Variants in LIFR observed in about 807,000 individuals in gnomAD.
LIFR encodes the protein leukemia inhibitory factor receptor.
LIFR carries 84 observed loss-of-function variants against 122.2 expected under a neutral mutation model. The ratio of observed to expected loss-of-function variants is 0.69; its 90% CI spans 0.58 to 0.82. The LOEUF (loss-of-function observed/expected upper bound fraction) is 0.82. LIFR is among the 40% of genes least tolerant of loss of function. LIFR has a pLI of 0.00. For missense variants in LIFR, 1,294 were observed against 1,311.6 expected, an observed-to-expected ratio of 0.99 and a Z score of 0.21; for synonymous variants, 422 against 434.7, an observed-to-expected ratio of 0.97 and a Z score of 0.36.
rs1029192801 is a variant in LIFR at position 38,546,948 on chromosome 5, GTC to G, written c.-20+9384_-20+9385del. 1.3e-4 allele frequency among the ~76,000 whole-genome samples: 20 copies of G among 152,296 alleles called. No individual in the cohort carries two copies. In the South Asian group the frequency reaches 1.7e-3, roughly 13 times the overall value. ...AAAGGGTGAGTTGGCAAAGTCCTAA[GTC>G]TAGCCAGCGACCCAATGTCTACATG... is the stretch of plus-strand genomic sequence containing the variant. On this transcript the variant is annotated intron_variant, in intron 1 of 19. Coordinates refer to ENST00000453190, the MANE Select transcript of LIFR (RefSeq NM_001127671.2).
chr5:38,592,206 A>G (rs1212585249), intron 1 of LIFR, among the ~76,000 whole-genome samples: 1 of 152,216 alleles, frequency 6.6e-6, no homozygotes, highest in African/African-American at 2.4e-5. Context: ...CAAATAAAGC[A>G]TTAGTTATGT....
At chr5:38,605,448 C>A (rs772903781) in intron 2 of LIFR, among the ~76,000 whole-genome samples, 19 of 152,040 alleles carry the variant, frequency 1.2e-4, no homozygotes, top group Non-Finnish European at 1.8e-4. Context: ...ATCACAGTAC[C>A]CCTTCCTCCT....
Position 38,482,193 on chromosome 5 carries a change from T to G in LIFR, c.2696A>C (p.Glu899Ala). 6.2e-7 allele frequency: 1 copy of G among 1,600,368 alleles called. No homozygotes were observed. Among genetic ancestry groups the G allele is most frequent in the Non-Finnish European group, 8.5e-7 (1 of 1,176,538 alleles). The change falls in exon 20 of 20, where the codon GAA becomes GCA. Residue 899 changes from glutamate (E) to alanine (A), a missense_variant. Glu to Ala is a moderately radical substitution (Grantham distance 107). Transcript: ENST00000453190. ...ATTATTTGGGGTACAAGGATTCATT[T>G]CCAATGTTTTAAGAGCACTGCTTCC... ...CEGSSALKTL[E>A]MNPCTPNNVE...
rs139952250 is a variant in LIFR at position 38,545,177 on chromosome 5, G to A, written c.-20+11157C>T. 7.1e-3 allele frequency among the ~76,000 whole-genome samples: 1,079 copies of A among 152,144 alleles called. 18 individuals carry two copies. The highest frequency in any genetic ancestry group is 0.034 in the Admixed American group (514 of 15,298). On this transcript the variant is annotated intron_variant, in intron 1 of 19. Coordinates refer to ENST00000453190, the MANE Select transcript of LIFR (RefSeq NM_001127671.2). Reference sequence around the variant, plus strand: ...CTCAGCCACTCAGGAGGCTGAGACAGGAGACTCACTTGAACCCGGGAGGCG... The same window carrying A: ...CTCAGCCACTCAGGAGGCTGAGACAAGAGACTCACTTGAACCCGGGAGGCG...
rs3776424 is a variant in LIFR at position 38,480,590 on chromosome 5, T to C, written c.*1005A>G. The C allele has an allele frequency of 0.019, 4,271 of 220,512 alleles. 474 individuals are homozygous for C. In the East Asian group the frequency reaches 0.24, roughly 13 times the overall value. The allele number at this position is 220,512 out of a possible 1,614,324, so 13.7% of individuals were successfully genotyped here. The stretch of plus-strand genomic sequence containing the variant: ...GAAGGTGTCAAAGATCACCACTGCC[T>C]GGGTAGCCAAGCTCAACGGCATGGT... On this transcript the variant is annotated 3_prime_UTR_variant, in exon 20 of 20. Coordinates refer to ENST00000453190, the MANE Select transcript of LIFR (RefSeq NM_001127671.2).
rs73077448 is a variant in LIFR at position 38,477,441 on chromosome 5, T to C, written c.*4154A>G. 3.3e-3 allele frequency: 705 copies of C among 213,620 alleles called. 4 individuals carry two copies. Among genetic ancestry groups the C allele is most frequent in the African/African-American group, 0.014 (642 of 44,382 alleles). 13.2% of individuals were successfully genotyped at this position (213,620 alleles called of 1,614,324 possible). On this transcript the variant is annotated 3_prime_UTR_variant, in exon 20 of 20. Transcript: ENST00000453190. ...ACTTAAAATAAATGCTTTCAAGAAA[T>C]AGTTTATCAAGAGAATGAGTTCTGA... is the stretch of plus-strand genomic sequence containing the variant.
chr5:38,486,116 A>G (rs1744274084), intron 16 of LIFR, 136 bp from the exon 17 acceptor site: 4 of 769,626 alleles, frequency 5.2e-6, no homozygotes, highest in Non-Finnish European at 8.9e-6. Context: ...TGGAGCTGCC[A>G]CTACCTTGTT....
chr5:38,576,909 A>G (rs573301303), intron 1 of LIFR, among the ~76,000 whole-genome samples: 5 of 152,354 alleles, frequency 3.3e-5, no homozygotes, highest in African/African-American at 1.2e-4. Context: ...TTAAGTAGAA[A>G]TGGATCGGAC....
intron 7 of LIFR, among the ~76,000 whole-genome samples, chr5:38,507,027 G>C (rs573704800): frequency 6.6e-6 from 1 of 152,120 alleles, no homozygotes; most frequent in African/African-American, 2.4e-5. Flanking sequence ...ACTGTGATTC[G>C]AAAAGAAATA....
intron 15 of LIFR, 59 bp from the exon 16 acceptor site, chr5:38,489,304 A>C: frequency 1.6e-6 from 2 of 1,283,530 alleles, no homozygotes; most frequent in Non-Finnish European, 2.2e-6. Flanking sequence ...GTAATACAGT[A>C]ATGTTTCCTG....
intron 1 of LIFR, among the ~76,000 whole-genome samples, chr5:38,538,615 C>A (rs1229809666): frequency 1.3e-5 from 2 of 152,142 alleles, no homozygotes; most frequent in African/African-American, 4.8e-5. Flanking sequence ...TCACACCTCC[C>A]ACCTGACTTG....
At chr5:38,574,980 A>T (rs1008796301) in intron 1 of LIFR, among the ~76,000 whole-genome samples, 2 of 152,166 alleles carry the variant, frequency 1.3e-5, no homozygotes, top group Non-Finnish European at 2.9e-5. Flanking sequence ...GCATGTTTTC[A>T]CCAAAAGGCA....
Position 38,499,535 on chromosome 5 carries a change from T to C in LIFR, c.1649A>G (p.Lys550Arg), listed in dbSNP as rs762113749. ...DTWREWSSDG[K>R]NLIIYWKPLP... is the part of the protein sequence containing the mutation. ...TACCTTCCAATAGATTATTAAATTT[T>C]TTCCATCAGAACTCCACTCTCTCCA... The change falls in exon 12 of 20, where the codon AAA becomes AGA. Residue 550 changes from lysine to arginine, a missense_variant. Lys to Arg is a conservative substitution (Grantham distance 26). Transcript: ENST00000453190. The C allele has an allele frequency of 1.2e-6, 2 of 1,607,018 alleles. No homozygotes were observed. The highest frequency in any genetic ancestry group is 1.7e-6 in the Non-Finnish European group (2 of 1,173,532).
At chr5:38,490,119 T>C (rs1326364164) in intron 15 of LIFR, 71 bp downstream of exon 15, 8 of 577,866 alleles carry the variant, frequency 1.4e-5, no homozygotes, top group Non-Finnish European at 2.5e-5. Flanking sequence ...AATTCAATCA[T>C]ACCATTGTTG....
chr5:38,489,102 A>T lies in LIFR; in HGVS notation c.2311T>A (p.Ser771Thr), dbSNP rs1319206594. 1 of 1,613,042 alleles carries T rather than the reference A, an allele frequency of 6.2e-7. No individual in the cohort carries two copies. Among genetic ancestry groups the T allele is most frequent in the East Asian group, 2.2e-5 (1 of 44,766 alleles). The change falls in exon 16 of 20, where the codon TCT becomes ACT. Residue 771 changes from serine to threonine, a missense_variant. Coordinates refer to ENST00000453190, the MANE Select transcript of LIFR (RefSeq NM_001127671.2). ...CCTGATTCTAAAACCCTCATCTTAGATGTGTCTCTTTCTCCTTTTCCAAAG... is the reference window on the plus strand; with the variant it reads ...CCTGATTCTAAAACCCTCATCTTAGTTGTGTCTCTTTCTCCTTTTCCAAAG... ...FYFGKGERDTSKMRVLESGRS... is the reference protein window; with the variant it reads ...FYFGKGERDTTKMRVLESGRS...
chr5:38,546,208 C>T (rs1461965944), intron 1 of LIFR, among the ~76,000 whole-genome samples: 1 of 152,068 alleles, frequency 6.6e-6, no homozygotes, highest in Non-Finnish European at 1.5e-5. Context: ...ACACAGTCAT[C>T]AATACATACT....
rs1444033122 is a variant in LIFR, at chr5:38,527,050, AAAGT to A, written c.397+101_397+104del. 7.7e-6 allele frequency: 8 copies of A among 1,040,256 alleles called. No individual in the cohort carries two copies. The Admixed American group carries it at 1.9e-4, about 25-fold the overall frequency. 64.4% of individuals were successfully genotyped at this position (1,040,256 alleles called of 1,614,324 possible). A position where few individuals can be genotyped will look rare whatever the true frequency, so the allele number is the denominator to read the frequency against. On this transcript the variant is annotated intron_variant, in intron 4 of 19. Coordinates refer to ENST00000453190, the MANE Select transcript of LIFR (RefSeq NM_001127671.2). Reference sequence around the variant, plus strand: ...CATAGGGAGGTTGCTGAGTGAATTAAAAGTAATAGCATAACACATGAAATTCAAA... The same window carrying A: ...CATAGGGAGGTTGCTGAGTGAATTAAAATAGCATAACACATGAAATTCAAA...
intron 2 of LIFR, among the ~76,000 whole-genome samples, chr5:38,602,916 A>G (rs3110963): frequency 0.17 from 25,552 of 152,140 alleles, 2,326 homozygotes; most frequent in Admixed American, 0.22. Context: ...AATACGCATT[A>G]AAAGACAAAA....
At chr5:38,504,646 A>G (rs78519708) in intron 9 of LIFR, among the ~76,000 whole-genome samples, 27 of 152,340 alleles carry the variant, frequency 1.8e-4, no homozygotes, top group African/African-American at 6.3e-4. Context: ...ATGAAGGTAC[A>G]GCGAGGCAAA....
Sources: gnomAD v4.1 joint callset for allele counts (sites outside exome capture counted in the v4.1 genomes callset) on GRCh38, gnomAD v4.1.1 for gene constraint, MANE v1.5 for transcripts, NCBI Gene and HGNC (gene_info 2026-07-23, HGNC 2026-07-21) for gene names.